Variants in XYLT1 observed in about 807,000 individuals in gnomAD.
The protein encoded by XYLT1 is beta-D-xylosyltransferase 1.
A neutral mutation model predicts 91.3 loss-of-function variants in XYLT1; 36 were observed. That is an observed-to-expected ratio of 0.39 (90% confidence interval 0.30 to 0.52). The LOEUF (loss-of-function observed/expected upper bound fraction) is 0.52. XYLT1 is among the 20% of genes least tolerant of loss of function. The pLI is 0.68. For synonymous variants in XYLT1, 588 were observed against 532.0 expected, an observed-to-expected ratio of 1.11 and a Z score of -1.45; for missense variants, 1,242 against 1,284.5, an observed-to-expected ratio of 0.97 and a Z score of 0.51.
chr16:17,379,681 G>A (rs2035646683), intron 1 of XYLT1, among the ~76,000 whole-genome samples: 1 of 151,638 alleles, frequency 6.6e-6, no homozygotes, highest in East Asian at 1.9e-4. Context: ...GAGAATAACA[G>A]AAAGCCAGGG....
intron 1 of XYLT1, among the ~76,000 whole-genome samples, chr16:17,447,451 C>T (rs951684065): frequency 3.9e-5 from 6 of 152,226 alleles, no homozygotes; most frequent in South Asian, 2.1e-4. Context: ...TTTTATAAAA[C>T]GCTTTAAGCT....
At chr16:17,127,471 A>T (rs1322656776) in intron 10 of XYLT1, among the ~76,000 whole-genome samples, 195 bp downstream of exon 10, 1 of 152,286 alleles carries the variant, frequency 6.6e-6, no homozygotes, top group South Asian at 2.1e-4. Context: ...AGTTGGTTTG[A>T]TCCTCCCCTG....
At chr16:17,449,052 AC>A (rs1175823830) in intron 1 of XYLT1, among the ~76,000 whole-genome samples, 1 of 152,114 alleles carries the variant, frequency 6.6e-6, no homozygotes, top group Non-Finnish European at 1.5e-5. Context: ...ACAAAGAGGG[AC>A]GTTTTGGTGG....
chr16:17,125,865 A>G (rs2030243162), intron 10 of XYLT1, among the ~76,000 whole-genome samples: 1 of 152,118 alleles, frequency 6.6e-6, no homozygotes. Context: ...CACTGTAGGC[A>G]CTTGGTGACT....
At chr16:17,324,844 T>C (rs1220532561) in intron 2 of XYLT1, among the ~76,000 whole-genome samples, 1 of 152,202 alleles carries the variant, frequency 6.6e-6, no homozygotes, top group Non-Finnish European at 1.5e-5. Context: ...GGAATAATGA[T>C]TTCACCGATC....
At chr16:17,148,779 A>G (rs1176381388) in intron 6 of XYLT1, among the ~76,000 whole-genome samples, 1 of 152,230 alleles carries the variant, frequency 6.6e-6, no homozygotes, top group East Asian at 1.9e-4. Flanking sequence ...CCAAAAAGAT[A>G]GAAAGAACGG....
intron 1 of XYLT1, among the ~76,000 whole-genome samples, chr16:17,361,937 G>A (rs1017818790): frequency 2.6e-5 from 4 of 152,100 alleles, no homozygotes; most frequent in East Asian, 1.9e-4. Flanking sequence ...GTATCATTTC[G>A]TTTACCCCTG....
intron 6 of XYLT1, among the ~76,000 whole-genome samples, chr16:17,152,243 G>T (rs1158453444): frequency 1.3e-5 from 2 of 152,186 alleles, no homozygotes; most frequent in African/African-American, 4.8e-5. Context: ...AAGAAGAAAA[G>T]TTCTAAAGAT....
At chr16:17,341,168 C>T (rs750499213) in intron 2 of XYLT1, among the ~76,000 whole-genome samples, 2 of 152,020 alleles carry the variant, frequency 1.3e-5, no homozygotes, top group South Asian at 2.1e-4. Context: ...CATACCCAAT[C>T]GAGCAAAGGT....
intron 2 of XYLT1, among the ~76,000 whole-genome samples, chr16:17,274,962 A>C (rs2033951040): frequency 6.6e-6 from 1 of 152,118 alleles, no homozygotes; most frequent in Non-Finnish European, 1.5e-5. Flanking sequence ...GAATTACTTA[A>C]GCCCAAGAGT....
intron 2 of XYLT1, among the ~76,000 whole-genome samples, chr16:17,333,661 C>T (rs943771220): frequency 6.7e-6 from 1 of 148,926 alleles, no homozygotes; most frequent in East Asian, 1.9e-4. Context: ...CATCTGGGCT[C>T]ACTGCAACCT....
At chr16:17,284,980 G>A (rs1402048266) in intron 2 of XYLT1, among the ~76,000 whole-genome samples, 1 of 152,118 alleles carries the variant, frequency 6.6e-6, no homozygotes, top group East Asian at 1.9e-4. Flanking sequence ...GAGCCACTGG[G>A]GGCTTAAGCA....
intron 5 of XYLT1, among the ~76,000 whole-genome samples, chr16:17,180,634 G>C (rs1481323206): frequency 2.6e-5 from 4 of 152,128 alleles, no homozygotes; most frequent in Non-Finnish European, 5.9e-5. Flanking sequence ...ACCATTGTGG[G>C]ATTCCCCTTC....
chr16:17,337,048 A>T (rs1034057392), intron 2 of XYLT1, among the ~76,000 whole-genome samples: 2 of 152,224 alleles, frequency 1.3e-5, no homozygotes, highest in Non-Finnish European at 2.9e-5. Context: ...AATATTATTC[A>T]GCCCCAGAAA....
chr16:17,357,936 G>C, intron 2 of XYLT1, 76 bp downstream of exon 2: 1 of 1,541,808 alleles, frequency 6.5e-7, no homozygotes, highest in Middle Eastern at 1.8e-4. Flanking sequence ...CAGCCTTTCA[G>C]AGCCACGGGA....
At chr16:17,132,770 G>C (rs186890164) in intron 9 of XYLT1, among the ~76,000 whole-genome samples, 1 of 152,098 alleles carries the variant, frequency 6.6e-6, no homozygotes, top group African/African-American at 2.4e-5. Context: ...GGGTGTGCTG[G>C]TACATGCCTA....
Position 17,418,272 on chromosome 16 carries a change from T to A in XYLT1, c.363+52162A>T, listed in dbSNP as rs181449619. On this transcript the variant is annotated intron_variant, in intron 1 of 11. Coordinates refer to ENST00000261381, the MANE Select transcript of XYLT1 (RefSeq NM_022166.4). Reference sequence around the variant, plus strand: ...GCAGCAGCTAGGACTAGATGCTTAATAAATATATTATTTATGGATTAGACA... The same window carrying A: ...GCAGCAGCTAGGACTAGATGCTTAAAAAATATATTATTTATGGATTAGACA... 6.6e-5 allele frequency among the ~76,000 whole-genome samples: 10 copies of A among 152,354 alleles called. No homozygotes were observed. The East Asian group carries it at 1.9e-3, about 29-fold the overall frequency.
At chr16:17,274,617 A>G (rs2141777416) in intron 2 of XYLT1, among the ~76,000 whole-genome samples, 1 of 152,086 alleles carries the variant, frequency 6.6e-6, no homozygotes, top group South Asian at 2.1e-4. Flanking sequence ...GAATTTCATC[A>G]AGGGTGTGGA....
In XYLT1 at chr16:17,312,456, T is replaced by A. The variant is rs77926305; in HGVS notation, c.402+45556A>T. 0.023 allele frequency among the ~76,000 whole-genome samples: 3,571 copies of A among 152,280 alleles called. 143 individuals are homozygous for A. The highest frequency in any genetic ancestry group is 0.08 in the African/African-American group (3,340 of 41,548). The stretch of plus-strand genomic sequence containing the variant: ...GGGCCTTACCCGCATTAACATGTTT[T>A]TCTTTCTAACTTAAAAAAATAATAA... On this transcript the variant is annotated intron_variant, in intron 2 of 11. Transcript: ENST00000261381. The surrounding 1 kb of genome is among the most constrained non-coding windows in gnomAD (Gnocchi z 4.4).
Sources: gnomAD v4.1 joint callset for allele counts (sites outside exome capture counted in the v4.1 genomes callset) on GRCh38, gnomAD v4.1.1 for gene constraint, Gnocchi (gnomAD v3.1) non-coding constraint, MANE v1.5 for transcripts, NCBI Gene and HGNC (gene_info 2026-07-23, HGNC 2026-07-21) for gene names.